The following ERO1B variants were observed in gnomAD, a reference collection of about 807,000 sequenced individuals.
ERO1B encodes endoplasmic reticulum oxidoreductase 1 beta, also known as ERO1-like protein beta.
Under a neutral mutation model 75.3 loss-of-function variants are expected in ERO1B, and 49 were observed. The ratio of observed to expected loss-of-function variants is 0.65; its 90% CI spans 0.52 to 0.83. The LOEUF is 0.83. ERO1B is among the 40% of genes least tolerant of loss of function. The pLI is 0.00. For synonymous variants in ERO1B, 191 were observed against 192.9 expected (o/e 0.99, Z 0.08); for missense variants, 512 against 560.1 (o/e 0.91, Z 0.87).
At chr1:236,270,964 AT>A (rs1438660769) in intron 1 of ERO1B, among the ~76,000 whole-genome samples, 1 of 152,196 alleles carries the variant, frequency 6.6e-6, no homozygotes, top group Non-Finnish European at 1.5e-5. Flanking sequence ...TTTGACTGTG[AT>A]GGTGAACACA....
chr1:236,256,339 T>C (rs548677338), intron 2 of ERO1B, among the ~76,000 whole-genome samples: 3 of 152,200 alleles, frequency 2.0e-5, no homozygotes, highest in African/African-American at 7.2e-5. Flanking sequence ...AGGTTACTCC[T>C]GCAAGGTGCA....
At chr1:236,220,279 A>C (rs1030588153) in intron 15 of ERO1B, 1 of 151,452 alleles carries the variant, frequency 6.6e-6, no homozygotes, top group Non-Finnish European at 1.5e-5. Context: ...CATTACATGT[A>C]TCTCTGCTGG....
intron 2 of ERO1B, among the ~76,000 whole-genome samples, chr1:236,258,498 G>A (rs1047494449): frequency 4.6e-5 from 7 of 152,088 alleles, no homozygotes; most frequent in East Asian, 1.9e-4. Flanking sequence ...CAGACAAAAC[G>A]TAAGGAAATT....
chr1:236,219,325 G>A (rs1275872206), intron 15 of ERO1B, among the ~76,000 whole-genome samples: 3 of 152,086 alleles, frequency 2.0e-5, no homozygotes, highest in African/African-American at 7.2e-5. Flanking sequence ...CAGGATTCCA[G>A]AACTTTAGGA....
intron 14 of ERO1B, 120 bp downstream of exon 14, chr1:236,221,804 G>T: frequency 1.4e-6 from 1 of 723,312 alleles, no homozygotes; most frequent in Non-Finnish European, 2.3e-6. Context: ...AAACACCTTG[G>T]ATCTGCCTAT....
chr1:236,277,018 C>T (rs1311475104), intron 1 of ERO1B, among the ~76,000 whole-genome samples: 2 of 152,172 alleles, frequency 1.3e-5, no homozygotes, highest in African/African-American at 4.8e-5. Context: ...TTCCTGAGGC[C>T]TCGCCAGCCA....
chr1:236,225,888 T>C (rs545884188), intron 12 of ERO1B, among the ~76,000 whole-genome samples: 1 of 152,280 alleles, frequency 6.6e-6, no homozygotes, highest in East Asian at 1.9e-4. Context: ...TGAGCCAAGA[T>C]TGTGCCATTG....
At chr1:236,227,242 C>T (rs866123523) in intron 10 of ERO1B, among the ~76,000 whole-genome samples, 10 of 151,182 alleles carry the variant, frequency 6.6e-5, no homozygotes, top group Middle Eastern at 3.2e-3. Flanking sequence ...AACAGAAATC[C>T]AGGAATTTCA....
At chr1:236,253,313 T>G (rs1291595044) in intron 3 of ERO1B, 109 bp downstream of exon 3, 1 of 662,488 alleles carries the variant, frequency 1.5e-6, no homozygotes, top group Non-Finnish European at 2.7e-6. Flanking sequence ...CATATGAATT[T>G]GCTGACACAT....
At chr1:236,260,236 G>T (rs1221934677) in intron 2 of ERO1B, among the ~76,000 whole-genome samples, 1 of 152,092 alleles carries the variant, frequency 6.6e-6, no homozygotes, top group Non-Finnish European at 1.5e-5. Context: ...CAATAAATTG[G>T]ATAACCTAGA....
chr1:236,264,213 G>GCAA (rs1478049670), intron 2 of ERO1B, among the ~76,000 whole-genome samples: 1 of 152,036 alleles, frequency 6.6e-6, no homozygotes, highest in African/African-American at 2.4e-5. Context: ...CAATTCTCAT[G>GCAA]CCTCTGCCTG....
At chr1:236,236,987 T>A (rs1330388744) in intron 6 of ERO1B, among the ~76,000 whole-genome samples, 5 of 151,798 alleles carry the variant, frequency 3.3e-5, no homozygotes, top group African/African-American at 1.2e-4. Flanking sequence ...TATTGAAGTG[T>A]TTTTTTTGCT....
chr1:236,226,457 G>A lies in ERO1B; in HGVS notation c.864C>T (p.Asp288=). ...GACCTTCTCCCTTGGTTTCCACAGGGTCAAAGCGGTGTTTGAATTCTTTAA... is the reference window on the plus strand; with the variant it reads ...GACCTTCTCCCTTGGTTTCCACAGGATCAAAGCGGTGTTTGAATTCTTTAA... The part of the protein sequence containing the change: ...PNIKEFKHRF[D]PVETKGEGPR... The change falls in exon 12 of 16, where the codon GAC becomes GAT. Residue 288 remains aspartate, a synonymous_variant. Coordinates refer to ENST00000354619, the MANE Select transcript of ERO1B (RefSeq NM_019891.4). 1.2e-6 allele frequency: 2 copies of A among 1,614,080 alleles called. No homozygotes were observed. The highest frequency in any genetic ancestry group is 1.7e-6 in the Non-Finnish European group (2 of 1,180,012).
At chr1:236,260,848 C>CAAAAAAA (rs899897740) in intron 2 of ERO1B, among the ~76,000 whole-genome samples, 1 of 124,012 alleles carries the variant, frequency 8.1e-6, no homozygotes, top group Admixed American at 8.4e-5. Flanking sequence ...AAAGACACTA[C>CAAAAAAA]AAAAAAATAA....
At position 236,281,861 on chromosome 1, in the gene ERO1B, G is replaced by T; in HGVS notation, c.-78C>A. Reference sequence around the variant, plus strand: ...ACGGGCGGCCCAGGCGACGACCCAAGGGGACGGTTCCCAGCGGCCGAGCGA... The same window carrying T: ...ACGGGCGGCCCAGGCGACGACCCAATGGGACGGTTCCCAGCGGCCGAGCGA... On this transcript the variant is annotated 5_prime_UTR_variant, in exon 1 of 16. Coordinates refer to ENST00000354619, the MANE Select transcript of ERO1B (RefSeq NM_019891.4). 9.0e-7 allele frequency: 1 copy of T among 1,112,080 alleles called. No homozygotes were observed. Among genetic ancestry groups the T allele is most frequent in the Non-Finnish European group, 1.2e-6 (1 of 848,686 alleles). The allele number at this position is 1,112,080 out of a possible 1,614,324, so 68.9% of individuals were successfully genotyped here.
chr1:236,226,660 A>G lies in ERO1B; in HGVS notation c.792T>C (p.Asn264=), dbSNP rs1234153097. The G allele has an allele frequency of 6.2e-7, 1 of 1,610,434 alleles. No homozygotes were observed. The highest frequency in any genetic ancestry group is 1.3e-5 in the African/African-American group (1 of 74,844). ...HASINLHLCA[N]YLLEETWGKP... is the part of the protein sequence containing the mutation. ...AAATATGATTACCTTCCAAAAGATA[A>G]TTTGCGCATAGATGTAAATTGATGC... The change falls in exon 11 of 16, where the codon AAT becomes AAC. Residue 264 remains asparagine (N), a synonymous_variant. Coordinates refer to ENST00000354619, the MANE Select transcript of ERO1B (RefSeq NM_019891.4).
At position 236,221,880 on chromosome 1, in the gene ERO1B, A is replaced by G. The variant is rs376888588; in HGVS notation, c.1209+44T>C. 106 of 1,465,654 alleles carry G rather than the reference A, an allele frequency of 7.2e-5. No individual in the cohort carries two copies. The African/African-American group carries it at 1.3e-3, about 18-fold the overall frequency. 90.8% of individuals were successfully genotyped at this position (1,465,654 alleles called of 1,614,324 possible). ...AAAAAGCTTGGACTCAGTGGAAAAA[A>G]TAAAGGTTAGTAATGGCTTCAAAAG... On this transcript the variant is annotated intron_variant, in intron 14 of 15. Coordinates refer to ENST00000354619, the MANE Select transcript of ERO1B (RefSeq NM_019891.4).
chr1:236,267,993 T>G (rs1665489506), intron 2 of ERO1B: 1 of 152,128 alleles, frequency 6.6e-6, no homozygotes, highest in Non-Finnish European at 1.5e-5. Context: ...GAAGCACATG[T>G]CTTATTCATA....
At chr1:236,242,890 G>C (rs1348438933) in intron 6 of ERO1B, among the ~76,000 whole-genome samples, 1 of 152,134 alleles carries the variant, frequency 6.6e-6, no homozygotes, top group African/African-American at 2.4e-5. Flanking sequence ...TACCATTCCA[G>C]GGGACTCTTG....
Sources: gnomAD v4.1 joint callset for allele counts (sites outside exome capture counted in the v4.1 genomes callset) on GRCh38, gnomAD v4.1.1 for gene constraint, MANE v1.5 for transcripts, NCBI Gene and HGNC (gene_info 2026-07-23, HGNC 2026-07-21) for gene names.